The following FAM32A variants were observed in gnomAD, a reference collection of about 807,000 sequenced individuals.
The protein encoded by FAM32A is family with sequence similarity 32 member A.
FAM32A carries 9 observed loss-of-function variants against 15.8 expected under a neutral mutation model. The observed-to-expected ratio is 0.57, with a 90% CI of 0.34 to 1.00. The LOEUF is 1.00. Among genes scored for constraint, FAM32A ranks in the 50% least tolerant of loss-of-function variants. The pLI is 0.02. For synonymous variants in FAM32A, 64 were observed against 54.9 expected (o/e 1.16, Z -0.73); for missense variants, 113 against 138.3 (o/e 0.82, Z 0.92).
At position 16,190,570 on chromosome 19, in the gene FAM32A, G is replaced by A. The variant is rs748536622; in HGVS notation, c.267G>A (p.Val89=). 20 of 1,612,636 alleles carry A rather than the reference G, an allele frequency of 1.2e-5. No individual in the cohort carries two copies. In the South Asian group the frequency reaches 1.5e-4, roughly 12 times the overall value. ...CATCCAAAACCCACAAGCAGAGAGTGGAGGTGAGTCGCCGTGTCCAGTGGG... is the reference window on the plus strand; with the variant it reads ...CATCCAAAACCCACAAGCAGAGAGTAGAGGTGAGTCGCCGTGTCCAGTGGG... ...KKASKTHKQR[V]EDFNRHLDTL... Residue 89 remains valine (V), a synonymous_variant, in exon 3 of 4, where the codon GTG becomes GTA. Transcript: ENST00000263384.
intron 2 of FAM32A, among the ~76,000 whole-genome samples, chr19:16,188,903 C>T (rs1314422989): frequency 6.6e-6 from 1 of 152,074 alleles, no homozygotes; most frequent in Non-Finnish European, 1.5e-5. Flanking sequence ...CAGGGTCTGA[C>T]CTCACTTGGA....
chr19:16,188,285 A>G (rs1314257903), intron 2 of FAM32A, among the ~76,000 whole-genome samples: 1 of 152,336 alleles, frequency 6.6e-6, no homozygotes, highest in East Asian at 1.9e-4. Context: ...TGGGAAAGAA[A>G]GAAGAGTCAA....
At chr19:16,189,053 C>T (rs970676278) in intron 2 of FAM32A, among the ~76,000 whole-genome samples, 10 of 133,542 alleles carry the variant, frequency 7.5e-5, no homozygotes, top group East Asian at 2.2e-4. Context: ...GAGACAGTCT[C>T]GTTCTGTTGC....
At chr19:16,187,749 C>A (rs1381498564) in intron 2 of FAM32A, among the ~76,000 whole-genome samples, 1 of 151,432 alleles carries the variant, frequency 6.6e-6, no homozygotes, top group Non-Finnish European at 1.5e-5. Flanking sequence ...CCACGCCCGG[C>A]CTTTTTTTAA....
chr19:16,190,456 A>C (rs1599445549), intron 2 of FAM32A, 64 bp from the exon 3 acceptor site: 1 of 1,205,504 alleles, frequency 8.3e-7, no homozygotes, highest in Non-Finnish European at 1.2e-6. Context: ...TCCATCTTCC[A>C]CCCCATGCCA....
chr19:16,185,418 A>T lies in FAM32A; in HGVS notation c.-25A>T, dbSNP rs758726387. 6.5e-7 allele frequency: 1 copy of T among 1,549,972 alleles called. No individual in the cohort carries two copies. Among genetic ancestry groups the T allele is most frequent in the East Asian group, 2.4e-5 (1 of 41,066 alleles). On this transcript the variant is annotated 5_prime_UTR_variant, in exon 1 of 4. Coordinates refer to ENST00000263384, the MANE Select transcript of FAM32A (RefSeq NM_014077.4). ...TTGCAAACAGGAAGTGTGGCACTCC[A>T]GCTACCGAAGCACTGGAGAGTGTCA...
Position 16,185,430 on chromosome 19 carries a change from A to C in FAM32A, c.-13A>C, listed in dbSNP as rs146095719. On this transcript the variant is annotated 5_prime_UTR_variant, in exon 1 of 4. Coordinates refer to ENST00000263384, the MANE Select transcript of FAM32A (RefSeq NM_014077.4). The stretch of plus-strand genomic sequence containing the variant: ...AGTGTGGCACTCCAGCTACCGAAGC[A>C]CTGGAGAGTGTCATGGAGGCCTACG... The C allele has an allele frequency of 1.7e-3, 2,596 of 1,552,518 alleles. 33 individuals carry two copies. In the African/African-American group the frequency reaches 0.029, roughly 17 times the overall value.
chr19:16,190,598 A>C lies in FAM32A; in HGVS notation c.270+25A>C, dbSNP rs762542553. ...GGTGAGTCGCCGTGTCCAGTGGGGG[A>C]GACTGAGCCATTCAGGGTCCCAGCT... is the stretch of plus-strand genomic sequence containing the variant. On this transcript the variant is annotated intron_variant, in intron 3 of 3. Transcript: ENST00000263384. 12 of 1,592,044 alleles carry C rather than the reference A, an allele frequency of 7.5e-6. No individual in the cohort carries two copies. The South Asian group carries it at 8.8e-5, about 12-fold the overall frequency.
chr19:16,191,359 T>C lies in FAM32A; in HGVS notation c.*404T>C, dbSNP rs950545106. On this transcript the variant is annotated 3_prime_UTR_variant, in exon 4 of 4. Transcript: ENST00000263384. ...GCTAGCGCCATGGTGGCCTGCAGTA[T>C]GCAGAGCCCCGCAGGACCCAGCGTG... The C allele has an allele frequency of 7.7e-6, 2 of 260,022 alleles. No individual in the cohort carries two copies. The highest frequency in any genetic ancestry group is 4.5e-5 in the African/African-American group (2 of 44,286). The allele number at this position is 260,022 out of a possible 1,614,324, so 16.1% of individuals were successfully genotyped here. A position where few individuals can be genotyped will look rare whatever the true frequency, so the allele number is the denominator to read the frequency against.
At position 16,185,652 on chromosome 19, in the gene FAM32A, G is replaced by T. The variant is rs1294148645; in HGVS notation, c.103G>T (p.Ala35Ser). ...GAAGAAAAAGAAGGACAAAGACAAA[G>T]CGAAACTCCTGGAAGCAATGGGAAC... The part of the protein sequence containing the change: ...RKKKKKDKDK[A>S]KLLEAMGTSK... Residue 35 changes from alanine (A) to serine (S), a missense_variant, in exon 2 of 4, where the codon GCG becomes TCG. Coordinates refer to ENST00000263384, the MANE Select transcript of FAM32A (RefSeq NM_014077.4). 6.3e-7 allele frequency: 1 copy of T among 1,595,362 alleles called. No homozygotes were observed. Among genetic ancestry groups the T allele is most frequent in the African/African-American group, 1.3e-5 (1 of 74,826 alleles).
Position 16,185,425 on chromosome 19 carries a change from G to A in FAM32A, c.-18G>A, listed in dbSNP as rs1599443372. On this transcript the variant is annotated 5_prime_UTR_variant, in exon 1 of 4. Coordinates refer to ENST00000263384, the MANE Select transcript of FAM32A (RefSeq NM_014077.4). The stretch of plus-strand genomic sequence containing the variant: ...CAGGAAGTGTGGCACTCCAGCTACC[G>A]AAGCACTGGAGAGTGTCATGGAGGC... The A allele has an allele frequency of 6.4e-7, 1 of 1,550,516 alleles. No individual in the cohort carries two copies. The highest frequency in any genetic ancestry group is 8.7e-7 in the Non-Finnish European group (1 of 1,145,240).
Position 16,191,679 on chromosome 19 carries a change from C to T in FAM32A, c.*724C>T, listed in dbSNP as rs1380543462. The T allele has an allele frequency of 6.6e-6, 1 of 152,462 alleles. No homozygotes were observed. Among genetic ancestry groups the T allele is most frequent in the Admixed American group, 6.5e-5 (1 of 15,294 alleles). The allele number at this position is 152,462 out of a possible 1,614,324, so 9.4% of individuals were successfully genotyped here. A position where few individuals can be genotyped will look rare whatever the true frequency, so the allele number is the denominator to read the frequency against. ...TGAAATGGAACCAGACACAGCCTGC[C>T]TCTCAATCCTCAGCTGGGGGCTCCT... On this transcript the variant is annotated 3_prime_UTR_variant, in exon 4 of 4. Coordinates refer to ENST00000263384, the MANE Select transcript of FAM32A (RefSeq NM_014077.4).
chr19:16,189,711 C>G (rs1239969314), intron 2 of FAM32A, among the ~76,000 whole-genome samples: 1 of 93,990 alleles, frequency 1.1e-5, no homozygotes, highest in Admixed American at 1.5e-4. Flanking sequence ...GTCTCTCTCT[C>G]TGTCACCCAG....
intron 2 of FAM32A, chr19:16,187,390 G>C (rs2091389842): frequency 6.6e-6 from 1 of 150,914 alleles, no homozygotes; most frequent in African/African-American, 2.4e-5. Context: ...ACCAGTACCC[G>C]GGAGGCAGAG....
Position 16,191,021 on chromosome 19 carries a change from T to G in FAM32A, c.*66T>G. 1 of 1,246,360 alleles carries G rather than the reference T, an allele frequency of 8.0e-7. No homozygotes were observed. The highest frequency in any genetic ancestry group is 1.2e-6 in the Non-Finnish European group (1 of 846,258). 77.2% of individuals were successfully genotyped at this position (1,246,360 alleles called of 1,614,324 possible). ...AAGGCCACACTGGGGTTGTGTGTGTTTCCTTTGGTATATTCTGGAAACATG... is the reference window on the plus strand; with the variant it reads ...AAGGCCACACTGGGGTTGTGTGTGTGTCCTTTGGTATATTCTGGAAACATG... On this transcript the variant is annotated 3_prime_UTR_variant, in exon 4 of 4. Transcript: ENST00000263384.
chr19:16,189,959 G>A (rs1029363485), intron 2 of FAM32A, among the ~76,000 whole-genome samples: 2 of 151,834 alleles, frequency 1.3e-5, no homozygotes, highest in African/African-American at 4.8e-5. Context: ...ATGAGCCACC[G>A]CGCCCAGCCC....
At chr19:16,186,347 A>C (rs1200378058) in intron 2 of FAM32A, 2 of 152,420 alleles carry the variant, frequency 1.3e-5, no homozygotes, top group East Asian at 3.9e-4. Flanking sequence ...AGAGCACTGC[A>C]GCCTCTGCCT....
Position 16,191,037 on chromosome 19 carries a change from T to C in FAM32A, c.*82T>C. 1.9e-6 allele frequency: 2 copies of C among 1,068,416 alleles called. No individual in the cohort carries two copies. Among genetic ancestry groups the C allele is most frequent in the Non-Finnish European group, 2.9e-6 (2 of 688,840 alleles). 66.2% of individuals were successfully genotyped at this position (1,068,416 alleles called of 1,614,324 possible). On this transcript the variant is annotated 3_prime_UTR_variant, in exon 4 of 4. Coordinates refer to ENST00000263384, the MANE Select transcript of FAM32A (RefSeq NM_014077.4). ...TGTGTGTGTTTCCTTTGGTATATTC[T>C]GGAAACATGGCTACACACACCCTTG...
intron 2 of FAM32A, among the ~76,000 whole-genome samples, chr19:16,188,936 C>CTGGG (rs1189930534): frequency 6.6e-6 from 1 of 151,726 alleles, no homozygotes; most frequent in South Asian, 2.1e-4. Context: ...CAGATGGCAG[C>CTGGG]TGGGCCTGGA....
Sources: allele counts gnomAD v4.1 joint callset (sites outside exome capture counted in the v4.1 genomes callset), GRCh38; gene constraint gnomAD v4.1.1; transcripts MANE v1.5; gene names NCBI Gene and HGNC (gene_info 2026-07-23, HGNC 2026-07-21).